Variants in CPNE8 observed in about 807,000 individuals in gnomAD.
The protein encoded by CPNE8 is copine-8.
Under a neutral mutation model 81.5 loss-of-function variants are expected in CPNE8, and 45 were observed. The observed-to-expected ratio is 0.55, with a 90% confidence interval of 0.44 to 0.71. The LOEUF (loss-of-function observed/expected upper bound fraction) is 0.71, where lower values mean the gene tolerates loss of function less well. Among genes scored for constraint, CPNE8 ranks in the 30% least tolerant of loss-of-function variants. The pLI, the probability that CPNE8 is intolerant of heterozygous loss-of-function variation, is 0.00. For missense variants in CPNE8, 594 were observed against 672.1 expected, an observed-to-expected ratio of 0.88 and a Z score of 1.28; for synonymous variants, 252 against 226.3, an observed-to-expected ratio of 1.11 and a Z score of -1.02.
At chr12:38,724,999 C>A in intron 11 of CPNE8, 100 bp from the exon 12 acceptor site, 1 of 1,011,838 alleles carries the variant, frequency 9.9e-7, no homozygotes, top group South Asian at 1.4e-5. Flanking sequence ...GCCTTCCCTT[C>A]TTATGCATGT....
chr12:38,747,099 T>C (rs1941243044), intron 10 of CPNE8, among the ~76,000 whole-genome samples: 1 of 152,160 alleles, frequency 6.6e-6, no homozygotes, highest in African/African-American at 2.4e-5. Flanking sequence ...AACCAGACTT[T>C]CTCAATTTAT....
chr12:38,809,599 C>A (rs1942893372), intron 6 of CPNE8, among the ~76,000 whole-genome samples: 1 of 152,142 alleles, frequency 6.6e-6, no homozygotes. Flanking sequence ...TTTGCTTTCA[C>A]AGTTCACCCT....
At position 38,767,714 on chromosome 12, in the gene CPNE8, C is replaced by G; in HGVS notation, c.496G>C (p.Ala166Pro). Reference protein sequence around the residue: ...CRDAVLMQFCANKLDKKDFFG... With the variant: ...CRDAVLMQFCPNKLDKKDFFG... ...AAGTCCTTCTTGTCCAATTTGTTCG[C>G]ACAAAATTGCATCAAAACGGCATCC... The change falls in exon 8 of 20, where the codon GCG becomes CCG. Residue 166 changes from alanine to proline, a missense_variant. Ala to Pro is a conservative substitution (Grantham distance 27). Coordinates refer to ENST00000331366, the MANE Select transcript of CPNE8 (RefSeq NM_153634.3). The G allele has an allele frequency of 3.9e-6, 6 of 1,551,884 alleles. No homozygotes were observed. The highest frequency in any genetic ancestry group is 5.2e-6 in the Non-Finnish European group (6 of 1,154,596).
chr12:38,664,749 A>T (rs1939030120), intron 19 of CPNE8, among the ~76,000 whole-genome samples: 1 of 152,168 alleles, frequency 6.6e-6, no homozygotes, highest in Non-Finnish European at 1.5e-5. Flanking sequence ...ACATGTTTAT[A>T]AATAATAGGT....
At chr12:38,745,033 A>G (rs555749022) in intron 10 of CPNE8, among the ~76,000 whole-genome samples, 1 of 152,178 alleles carries the variant, frequency 6.6e-6, no homozygotes, top group Non-Finnish European at 1.5e-5. Flanking sequence ...CCTGATTCTG[A>G]GTCAGAAAGT....
intron 17 of CPNE8, chr12:38,676,234 G>A (rs1200932309): frequency 2.4e-6 from 2 of 847,726 alleles, no homozygotes; most frequent in East Asian, 1.2e-4. Context: ...ATTCAAAATT[G>A]TTAATACAGA....
chr12:38,846,377 A>G (rs1176242373), intron 4 of CPNE8, among the ~76,000 whole-genome samples: 2 of 152,176 alleles, frequency 1.3e-5, no homozygotes, highest in African/African-American at 2.4e-5. Flanking sequence ...GAAGGTTGGG[A>G]GTTTTATTAG....
intron 15 of CPNE8, among the ~76,000 whole-genome samples, chr12:38,685,992 C>T (rs564029064): frequency 7.3e-4 from 111 of 152,152 alleles, no homozygotes; most frequent in African/African-American, 2.1e-3. Flanking sequence ...AGAAAACCAA[C>T]GTATTAATAG....
At chr12:38,712,086 T>C (rs561747972) in intron 13 of CPNE8, among the ~76,000 whole-genome samples, 127 of 152,172 alleles carry the variant, frequency 8.3e-4, no homozygotes, top group African/African-American at 3.0e-3. Context: ...TCTAGACATG[T>C]ATATTCCATT....
In CPNE8 at chr12:38,849,420, A is replaced by G. The variant is rs11169804; in HGVS notation, c.187-758T>C. Reference sequence around the variant, plus strand: ...CCTTGGCTTACATTCTTCCCTTCCAACTCCCATGGAATTCTAATGAGAGAA... The same window carrying G: ...CCTTGGCTTACATTCTTCCCTTCCAGCTCCCATGGAATTCTAATGAGAGAA... On this transcript the variant is annotated intron_variant, in intron 3 of 19. Transcript: ENST00000331366. Among the ~76,000 whole-genome samples the G allele has an allele frequency of 5.1e-3, 779 of 152,142 alleles. 7 individuals are homozygous for G. The highest frequency in any genetic ancestry group is 0.018 in the African/African-American group (748 of 41,514).
At chr12:38,850,975 G>A (rs1592137101) in intron 3 of CPNE8, among the ~76,000 whole-genome samples, 2 of 152,156 alleles carry the variant, frequency 1.3e-5, no homozygotes, top group East Asian at 3.8e-4. Context: ...CCTTTCTCAT[G>A]AATGGCAGGA....
chr12:38,870,158 G>A (rs1194189637), intron 3 of CPNE8, among the ~76,000 whole-genome samples: 1 of 152,224 alleles, frequency 6.6e-6, no homozygotes, highest in Non-Finnish European at 1.5e-5. Flanking sequence ...AGAGGATGTG[G>A]AGAAAATAGG....
In CPNE8 at chr12:38,808,775, A is replaced by G. The variant is rs1375034246; in HGVS notation, c.407+20604T>C. 3.3e-5 allele frequency among the ~76,000 whole-genome samples: 5 copies of G among 151,780 alleles called. No individual in the cohort carries two copies. In the East Asian group the frequency reaches 9.7e-4, roughly 30 times the overall value. On this transcript the variant is annotated intron_variant, in intron 6 of 19. Transcript: ENST00000331366. ...TAATAATAATAAAATAAAATAAAAA[A>G]AAGACTATATAAAAAAATGCTTAAA...
chr12:38,871,525 CA>C (rs1943991655), intron 3 of CPNE8, among the ~76,000 whole-genome samples: 1 of 152,072 alleles, frequency 6.6e-6, no homozygotes, highest in African/African-American at 2.4e-5. Flanking sequence ...GATGATTAGA[CA>C]GATGAACATG....
chr12:38,879,306 G>C (rs1944114956), intron 1 of CPNE8, among the ~76,000 whole-genome samples: 2 of 151,552 alleles, frequency 1.3e-5, no homozygotes. Context: ...TTTACAGAGA[G>C]TCTCTGTTTC....
At chr12:38,757,029 T>G (rs1941476766) in intron 10 of CPNE8, among the ~76,000 whole-genome samples, 1 of 152,230 alleles carries the variant, frequency 6.6e-6, no homozygotes, top group Non-Finnish European at 1.5e-5. Context: ...ACTGGTTTAT[T>G]TTTACTTTGT....
chr12:38,732,870 A>G (rs1940864507), intron 10 of CPNE8, among the ~76,000 whole-genome samples: 1 of 151,996 alleles, frequency 6.6e-6, no homozygotes. Context: ...CTTGTTCAAG[A>G]TGATTATTTT....
intron 5 of CPNE8, among the ~76,000 whole-genome samples, chr12:38,834,145 T>C (rs1943344456): frequency 6.6e-6 from 1 of 152,194 alleles, no homozygotes; most frequent in African/African-American, 2.4e-5. Flanking sequence ...GCTTTTAAAA[T>C]GATCATTCTA....
Position 38,654,001 on chromosome 12 carries a change from C to T in CPNE8, c.1576G>A (p.Asp526Asn), listed in dbSNP as rs750867660. ...TGCTCAGGGATCTCAGCTAGGACAT[C>T]TTTAGCCAATCTAGCCATGCTCAGT... Reference protein sequence around the residue: ...HILSMARLAKDVLAEIPEQFL... With the variant: ...HILSMARLAKNVLAEIPEQFL... Residue 526 changes from aspartate (D) to asparagine (N), a missense_variant, in exon 20 of 20, where the codon GAT becomes AAT. By Grantham distance (23) the Asp-to-Asn change is conservative. Transcript: ENST00000331366. 1 of 1,613,542 alleles carries T rather than the reference C, an allele frequency of 6.2e-7. No homozygotes were observed. The highest frequency in any genetic ancestry group is 1.3e-5 in the African/African-American group (1 of 74,882).
Sources: gnomAD v4.1 joint callset for allele counts (sites outside exome capture counted in the v4.1 genomes callset) on GRCh38, gnomAD v4.1.1 for gene constraint, MANE v1.5 for transcripts, NCBI Gene and HGNC (gene_info 2026-07-23, HGNC 2026-07-21) for gene names.